Variants in JARID2 observed in about 807,000 individuals in gnomAD.
JARID2 encodes jumonji and AT-rich interaction domain containing 2, also known as protein Jumonji.
In JARID2, 21 loss-of-function variants were observed where a neutral mutation model predicts 125.6. The observed-to-expected ratio is 0.17, with a 90% confidence interval of 0.12 to 0.24. The LOEUF (loss-of-function observed/expected upper bound fraction) is 0.24, where lower values mean the gene tolerates loss of function less well. Ranked by LOEUF, JARID2 falls within the 10% of genes least tolerant of loss-of-function variation. JARID2 has a pLI of 1.00. For missense variants in JARID2, 1,303 were observed against 1,639.6 expected (o/e 0.79, Z 3.55); for synonymous variants, 736 against 661.6 (o/e 1.11, Z -1.73).
At chr6:15,258,760 C>CA (rs1204497467) in intron 1 of JARID2, among the ~76,000 whole-genome samples, 4 of 152,288 alleles carry the variant, frequency 2.6e-5, no homozygotes, top group African/African-American at 9.6e-5. Context: ...CCAGCCTGGG[C>CA]AACAGAGTAA....
chr6:15,263,082 G>T (rs1321790711), intron 1 of JARID2, among the ~76,000 whole-genome samples: 2 of 61,222 alleles, frequency 3.3e-5, no homozygotes, highest in South Asian at 8.7e-4. Context: ...GTTTGTGTGT[G>T]TGTGTGTGTG....
At chr6:15,382,493 T>A (rs1445961422) in intron 2 of JARID2, among the ~76,000 whole-genome samples, 1 of 152,184 alleles carries the variant, frequency 6.6e-6, no homozygotes, top group Non-Finnish European at 1.5e-5. Context: ...GACAAATGGC[T>A]GCAATGGCCG....
At chr6:15,489,045 G>A (rs1561898544) in intron 6 of JARID2, among the ~76,000 whole-genome samples, 1 of 152,150 alleles carries the variant, frequency 6.6e-6, no homozygotes, top group Non-Finnish European at 1.5e-5. Flanking sequence ...ATGGAGAATT[G>A]TACAGAACTC....
chr6:15,497,385 G>T (rs942938063), intron 7 of JARID2, among the ~76,000 whole-genome samples: 1 of 152,198 alleles, frequency 6.6e-6, no homozygotes. Flanking sequence ...TGAGCTGCCG[G>T]GCGCGGTGGC....
intron 1 of JARID2, among the ~76,000 whole-genome samples, chr6:15,338,706 T>G (rs1038357655): frequency 2.6e-5 from 4 of 152,174 alleles, no homozygotes; most frequent in Non-Finnish European, 4.4e-5. Flanking sequence ...CCTATCTAGC[T>G]TCAGCCTCTC....
At chr6:15,258,453 A>T (rs895298904) in intron 1 of JARID2, among the ~76,000 whole-genome samples, 3 of 152,166 alleles carry the variant, frequency 2.0e-5, no homozygotes, top group African/African-American at 7.2e-5. Flanking sequence ...ATTTTGTGGG[A>T]GGCTGAATCA....
At chr6:15,298,257 A>C (rs116789322) in intron 1 of JARID2, among the ~76,000 whole-genome samples, 503 of 152,316 alleles carry the variant, frequency 3.3e-3, no homozygotes, top group African/African-American at 0.011. Context: ...AAAATAGTAA[A>C]AGAGAACAAA....
At chr6:15,504,848 A>G (rs1581658144) in intron 9 of JARID2, among the ~76,000 whole-genome samples, 2 of 152,124 alleles carry the variant, frequency 1.3e-5, no homozygotes, top group African/African-American at 4.8e-5. Flanking sequence ...GGTTCTGGGC[A>G]CGTCCCCTGC....
At chr6:15,398,617 G>GT (rs1765304262) in intron 2 of JARID2, among the ~76,000 whole-genome samples, 1 of 152,176 alleles carries the variant, frequency 6.6e-6, no homozygotes, top group South Asian at 2.1e-4. Flanking sequence ...GGACTGACTC[G>GT]CATGTACTGT....
chr6:15,442,134 A>G (rs1368097080), intron 3 of JARID2, among the ~76,000 whole-genome samples: 1 of 151,816 alleles, frequency 6.6e-6, no homozygotes, highest in East Asian at 1.9e-4. Context: ...GAAGTAAAAC[A>G]GGATTCTCGC....
At chr6:15,289,373 A>C (rs1192312309) in intron 1 of JARID2, among the ~76,000 whole-genome samples, 1 of 152,214 alleles carries the variant, frequency 6.6e-6, no homozygotes, top group East Asian at 1.9e-4. Flanking sequence ...ACATAAAGCC[A>C]ATTCTTCTAT....
At chr6:15,308,923 G>C (rs1156280214) in intron 1 of JARID2, among the ~76,000 whole-genome samples, 1 of 152,152 alleles carries the variant, frequency 6.6e-6, no homozygotes, top group Non-Finnish European at 1.5e-5. Context: ...GAGTGCAGTG[G>C]GGAAGTCCCC....
chr6:15,272,132 C>G (rs9396577), intron 1 of JARID2, among the ~76,000 whole-genome samples: 9 of 152,062 alleles, frequency 5.9e-5, no homozygotes, highest in African/African-American at 2.2e-4. Context: ...CTCAAAAAAA[C>G]GAAAAAACAG....
In JARID2 at chr6:15,392,039, G is replaced by GGTGTGTGT. The variant is rs55811028; in HGVS notation, c.181+17819_181+17826dup. ...GGCACCAGTGCAGTGATCCCAGAGT[G>GGTGTGTGT]GTGTGTGTGTGTGTGTGTGTGTGTG... On this transcript the variant is annotated intron_variant, in intron 2 of 17. Transcript: ENST00000341776. 9.5e-3 allele frequency among the ~76,000 whole-genome samples: 1,171 copies of GGTGTGTGT among 122,790 alleles called. 19 individuals carry two copies. Among genetic ancestry groups the GGTGTGTGT allele is most frequent in the African/African-American group, 0.032 (1,026 of 32,292 alleles). 80.6% of individuals were successfully genotyped at this position (122,790 alleles called of 152,430 possible).
At chr6:15,374,689 G>T (rs760012940) in intron 2 of JARID2, among the ~76,000 whole-genome samples, 44 of 152,168 alleles carry the variant, frequency 2.9e-4, no homozygotes, top group Non-Finnish European at 4.3e-4. Flanking sequence ...TGCTGGGCAG[G>T]TTCCTGCAGT....
intron 1 of JARID2, among the ~76,000 whole-genome samples, chr6:15,337,096 A>G (rs1169775204): frequency 6.6e-6 from 1 of 152,080 alleles, no homozygotes; most frequent in African/African-American, 2.4e-5. Context: ...CCTCTCTTCC[A>G]AAACCCTGCC....
At chr6:15,315,821 G>T (rs12199895) in intron 1 of JARID2, among the ~76,000 whole-genome samples, 8,201 of 152,212 alleles carry the variant, frequency 0.054, 295 homozygotes, top group South Asian at 0.11. Context: ...TGCTAACTGG[G>T]CCCAGTGTGC....
At chr6:15,296,204 A>G (rs1313659406) in intron 1 of JARID2, among the ~76,000 whole-genome samples, 3 of 152,042 alleles carry the variant, frequency 2.0e-5, no homozygotes, top group Non-Finnish European at 4.4e-5. Context: ...AGTAAATGCT[A>G]TTGTTTTTTT....
rs115968976 is a variant in JARID2, at chr6:15,432,045, G to C, written c.324-19961G>C. ...TGGTACCAGTGTGTTACCGGTGGAG[G>C]GTGTCCAGGTTCTTGGCGTTTTGAA... On this transcript the variant is annotated intron_variant, in intron 3 of 17. Coordinates refer to ENST00000341776, the MANE Select transcript of JARID2 (RefSeq NM_004973.4). 7.1e-3 allele frequency among the ~76,000 whole-genome samples: 1,084 copies of C among 152,036 alleles called. 13 individuals carry two copies. The highest frequency in any genetic ancestry group is 0.025 in the African/African-American group (1,030 of 41,458).
Sources: allele counts gnomAD v4.1 joint callset (sites outside exome capture counted in the v4.1 genomes callset), GRCh38; gene constraint gnomAD v4.1.1; transcripts MANE v1.5; gene names NCBI Gene and HGNC (gene_info 2026-07-23, HGNC 2026-07-21).